Variants in TNRC6A observed in about 807,000 individuals in gnomAD.
TNRC6A encodes trinucleotide repeat containing adaptor 6A.
Under a neutral mutation model 221.2 loss-of-function variants are expected in TNRC6A, and 44 were observed. That is an observed-to-expected ratio of 0.20 (90% CI 0.16 to 0.26). The LOEUF (loss-of-function observed/expected upper bound fraction) is 0.26, where lower values mean the gene tolerates loss of function less well. Among genes scored for constraint, TNRC6A ranks in the 10% least tolerant of loss-of-function variants. The pLI is 1.00. For synonymous variants in TNRC6A, 847 were observed against 838.5 expected (o/e 1.01, Z -0.18); for missense variants, 2,199 against 2,404.4 (o/e 0.91, Z 1.79).
In TNRC6A at chr16:24,805,647, C is replaced by G. The variant is rs781533861; in HGVS notation, c.4165C>G (p.Leu1389Val). 4.3e-6 allele frequency: 7 copies of G among 1,614,082 alleles called. No homozygotes were observed. The African/African-American group carries it at 6.7e-5, about 15-fold the overall frequency. Residue 1389 changes from leucine to valine, a missense_variant, in exon 15 of 25, where the codon CTG becomes GTG. Leu to Val is a conservative substitution (Grantham distance 32). Coordinates refer to ENST00000395799, the MANE Select transcript of TNRC6A (RefSeq NM_014494.4). ...GAAGTATGCACCAAACAACGGTGGC[C>G]TGAATCCACTCTTTGGCCCTCAACA... ...LLKYAPNNGG[L>V]NPLFGPQQVA... is the part of the protein sequence containing the mutation.
At chr16:24,733,168 A>G (rs968865880) in intron 2 of TNRC6A, among the ~76,000 whole-genome samples, 1 of 152,192 alleles carries the variant, frequency 6.6e-6, no homozygotes, top group Non-Finnish European at 1.5e-5. Context: ...AGATTGTGCC[A>G]CTGCACTCCA....
chr16:24,666,512 T>C (rs1484208192), intron 2 of TNRC6A, among the ~76,000 whole-genome samples: 3 of 147,414 alleles, frequency 2.0e-5, no homozygotes, highest in Admixed American at 6.9e-5. Context: ...TTGTGACACA[T>C]GCCTGTGGTC....
At chr16:24,731,212 T>TC (rs1194224699) in intron 2 of TNRC6A, among the ~76,000 whole-genome samples, 3 of 152,208 alleles carry the variant, frequency 2.0e-5, no homozygotes, top group Non-Finnish European at 4.4e-5. Flanking sequence ...TTCTTTTTTT[T>TC]CACTTGTTGA....
intron 1 of TNRC6A, among the ~76,000 whole-genome samples, chr16:24,612,613 T>A (rs1489334991): frequency 6.7e-6 from 1 of 149,058 alleles, no homozygotes; most frequent in Non-Finnish European, 1.5e-5. Flanking sequence ...AAAAATTAGC[T>A]AGGTGTGGTG....
chr16:24,688,250 C>A (rs2055683211), intron 2 of TNRC6A, among the ~76,000 whole-genome samples: 1 of 151,996 alleles, frequency 6.6e-6, no homozygotes, highest in Admixed American at 6.6e-5. Flanking sequence ...GGACATGCTT[C>A]TTTTCTTAGC....
intron 2 of TNRC6A, among the ~76,000 whole-genome samples, chr16:24,679,288 C>T (rs971176730): frequency 5.9e-5 from 9 of 151,574 alleles, no homozygotes; most frequent in Admixed American, 4.6e-4. Context: ...TGAGCCACTG[C>T]GCCCGGCCAA....
intron 4 of TNRC6A, among the ~76,000 whole-genome samples, chr16:24,762,586 C>G (rs146180343): frequency 1.1e-3 from 160 of 152,288 alleles, no homozygotes; most frequent in Middle Eastern, 3.4e-3. Context: ...CTGGGACTCA[C>G]GTAGTCTATA....
intron 2 of TNRC6A, among the ~76,000 whole-genome samples, chr16:24,687,132 T>A (rs1454996946): frequency 6.6e-6 from 1 of 152,172 alleles, no homozygotes; most frequent in Non-Finnish European, 1.5e-5. Context: ...CGGAACCCTG[T>A]GAGTCCATAG....
chr16:24,764,419 C>T (rs542542832), intron 4 of TNRC6A, among the ~76,000 whole-genome samples: 4 of 151,738 alleles, frequency 2.6e-5, no homozygotes, highest in South Asian at 4.2e-4. Flanking sequence ...CTCCACTTGC[C>T]GGGTTCAAAT....
chr16:24,663,981 C>G (rs2055091081), intron 2 of TNRC6A: 1 of 456,406 alleles, frequency 2.2e-6, no homozygotes, highest in Non-Finnish European at 4.4e-6. Flanking sequence ...AGGGTTTAAC[C>G]ATCCCAAGCC....
At chr16:24,711,155 G>A (rs371570843) in intron 2 of TNRC6A, among the ~76,000 whole-genome samples, 36 of 152,046 alleles carry the variant, frequency 2.4e-4, no homozygotes, top group African/African-American at 8.0e-4. Context: ...GATTACAGGC[G>A]CGCATTGCAC....
At chr16:24,786,066 C>T (rs939437552) in intron 5 of TNRC6A, among the ~76,000 whole-genome samples, 1 of 152,124 alleles carries the variant, frequency 6.6e-6, no homozygotes, top group African/African-American at 2.4e-5. Context: ...GAGTGTAAAT[C>T]TGGAATCTGA....
chr16:24,797,629 G>T (rs770998960), intron 10 of TNRC6A, 59 bp downstream of exon 10: 53 of 1,334,460 alleles, frequency 4.0e-5, no homozygotes, highest in Non-Finnish European at 4.8e-5. Flanking sequence ...GATTTATCTT[G>T]ATTTCACTCT....
intron 5 of TNRC6A, among the ~76,000 whole-genome samples, chr16:24,787,716 A>G (rs1392424570): frequency 2.6e-5 from 4 of 152,168 alleles, no homozygotes; most frequent in Non-Finnish European, 4.4e-5. Flanking sequence ...TGATGCATTT[A>G]TATCATTTCC....
At chr16:24,711,093 T>C (rs1220150766) in intron 2 of TNRC6A, among the ~76,000 whole-genome samples, 3 of 152,080 alleles carry the variant, frequency 2.0e-5, no homozygotes, top group Non-Finnish European at 4.4e-5. Context: ...GCCAGGATGG[T>C]CTCAATCTCC....
intron 16 of TNRC6A, 54 bp from the exon 17 acceptor site, chr16:24,806,520 T>A (rs2058435424): frequency 6.3e-7 from 1 of 1,597,422 alleles, no homozygotes; most frequent in Non-Finnish European, 8.6e-7. Flanking sequence ...TATGTAGTTT[T>A]CTGTAAAGAC....
At chr16:24,658,214 C>T (rs1420050151) in intron 2 of TNRC6A, among the ~76,000 whole-genome samples, 1 of 152,106 alleles carries the variant, frequency 6.6e-6, no homozygotes, top group Non-Finnish European at 1.5e-5. Context: ...TTTCAGAGTT[C>T]TAAAACTGTG....
At chr16:24,650,758 A>G (rs1194795518) in intron 2 of TNRC6A, among the ~76,000 whole-genome samples, 1 of 152,150 alleles carries the variant, frequency 6.6e-6, no homozygotes, top group Admixed American at 6.6e-5. Context: ...ATCTGAGAAA[A>G]CACGCACACG....
chr16:24,715,755 C>T (rs74898936), intron 2 of TNRC6A, among the ~76,000 whole-genome samples: 15,342 of 151,838 alleles, frequency 0.1, 1,795 homozygotes, highest in East Asian at 0.36. Flanking sequence ...GTAGCTGGGA[C>T]TACAGGTGCA....
Sources: gnomAD v4.1 joint callset for allele counts (sites outside exome capture counted in the v4.1 genomes callset) on GRCh38, gnomAD v4.1.1 for gene constraint, MANE v1.5 for transcripts, NCBI Gene and HGNC (gene_info 2026-07-23, HGNC 2026-07-21) for gene names.